Variants in LTBP1 observed in about 807,000 individuals in gnomAD.
The protein encoded by LTBP1 is latent transforming growth factor beta binding protein 1, also known as latent-transforming growth factor beta-binding protein 1.
In LTBP1, 129 loss-of-function variants were observed where a neutral mutation model predicts 207.6. That is an observed-to-expected ratio of 0.62 (90% CI 0.54 to 0.72). LTBP1 has a LOEUF of 0.72. Ranked by LOEUF, LTBP1 falls within the 30% of genes least tolerant of loss-of-function variation. The pLI, the probability that LTBP1 is intolerant of heterozygous loss-of-function variation, is 0.00. For missense variants in LTBP1, 2,281 were observed against 2,217.2 expected (o/e 1.03, Z -0.58); for synonymous variants, 963 against 833.7 (o/e 1.16, Z -2.67).
At chr2:33,305,694 TGTAGC>T (rs1312523056) in intron 22 of LTBP1, among the ~76,000 whole-genome samples, 1 of 152,056 alleles carries the variant, frequency 6.6e-6, no homozygotes, top group Non-Finnish European at 1.5e-5. Context: ...TGGGAATGAG[TGTAGC>T]TAGAAGAGAG....
intron 5 of LTBP1, among the ~76,000 whole-genome samples, chr2:33,161,442 T>C (rs2084462027): frequency 6.6e-6 from 1 of 152,104 alleles, no homozygotes; most frequent in African/African-American, 2.4e-5. Flanking sequence ...AATTTTTTTG[T>C]ATTTTCAGTA....
intron 5 of LTBP1, among the ~76,000 whole-genome samples, chr2:33,185,109 G>A (rs2087056715): frequency 6.6e-6 from 1 of 152,218 alleles, no homozygotes; most frequent in Non-Finnish European, 1.5e-5. Flanking sequence ...ACTCAGTGTG[G>A]ATAAAGCTCT....
intron 31 of LTBP1, among the ~76,000 whole-genome samples, chr2:33,380,142 G>A (rs1356419778): frequency 6.6e-6 from 1 of 152,132 alleles, no homozygotes; most frequent in East Asian, 1.9e-4. Flanking sequence ...TAAATTACAT[G>A]TTTGTCATCA....
At chr2:33,131,320 C>A (rs552698203) in intron 4 of LTBP1, among the ~76,000 whole-genome samples, 52 of 152,310 alleles carry the variant, frequency 3.4e-4, no homozygotes, top group Non-Finnish European at 5.1e-4. Flanking sequence ...CTACTAAATT[C>A]TTGAAAGGTG....
chr2:33,325,429 C>G (rs1335356068), intron 24 of LTBP1, among the ~76,000 whole-genome samples: 2 of 152,162 alleles, frequency 1.3e-5, no homozygotes, highest in African/African-American at 4.8e-5. Flanking sequence ...GTCTGTAGGG[C>G]TTTCTCCCAG....
chr2:33,127,955 A>T (rs548113939), intron 4 of LTBP1, among the ~76,000 whole-genome samples: 5 of 152,202 alleles, frequency 3.3e-5, no homozygotes, highest in Non-Finnish European at 7.3e-5. Flanking sequence ...GGTTGGACCT[A>T]GGTAGGAAAG....
At chr2:33,056,341 T>A in intron 3 of LTBP1, 1 of 1,230,958 alleles carries the variant, frequency 8.1e-7, no homozygotes, top group Non-Finnish European at 1.1e-6. Flanking sequence ...ATTTATTTGC[T>A]TTTGGCTTTG....
intron 3 of LTBP1, among the ~76,000 whole-genome samples, chr2:33,044,950 A>G (rs1382678507): frequency 2.6e-5 from 4 of 151,266 alleles, no homozygotes; most frequent in East Asian, 3.9e-4. Context: ...CCACTTTTTG[A>G]TGGGGTTGTT....
chr2:33,301,726 A>G (rs1230710435), intron 22 of LTBP1, 82 bp downstream of exon 22: 2 of 1,262,516 alleles, frequency 1.6e-6, no homozygotes, highest in East Asian at 2.6e-5. Flanking sequence ...TTGATCTTTG[A>G]ACCTCATCTC....
At chr2:33,065,380 T>C (rs1445012907) in intron 3 of LTBP1, among the ~76,000 whole-genome samples, 1 of 152,036 alleles carries the variant, frequency 6.6e-6, no homozygotes, top group Non-Finnish European at 1.5e-5. Context: ...ACAATGAGAC[T>C]CCATCTCTAC....
intron 3 of LTBP1, among the ~76,000 whole-genome samples, chr2:33,092,215 A>ACT (rs34702998): frequency 1.1e-4 from 16 of 152,126 alleles, no homozygotes; most frequent in Admixed American, 1.0e-3. Flanking sequence ...ACACACACAC[A>ACT]GTTTGTCACA....
At chr2:33,213,314 G>C (rs1222231156) in intron 7 of LTBP1, among the ~76,000 whole-genome samples, 1 of 152,222 alleles carries the variant, frequency 6.6e-6, no homozygotes, top group Non-Finnish European at 1.5e-5. Flanking sequence ...ATCCTGAAAT[G>C]ATAAGGCTTT....
At chr2:33,297,407 A>C (rs1316600744) in intron 20 of LTBP1, among the ~76,000 whole-genome samples, 1 of 32,808 alleles carries the variant, frequency 3.0e-5, no homozygotes, top group East Asian at 3.5e-4. Context: ...TGCTTTATTT[A>C]TTTATTTATT....
chr2:33,003,630 G>T lies in LTBP1; in HGVS notation c.566-17279G>T, dbSNP rs151014225. ...TCAGAAGAAAAGAAGTCACAGGCAG[G>T]GTGGTAGAGCTTCCTTCCAACCTTG... On this transcript the variant is annotated intron_variant, in intron 2 of 33. Transcript: ENST00000404816. 3.6e-3 allele frequency among the ~76,000 whole-genome samples: 551 copies of T among 152,310 alleles called. 4 individuals are homozygous for T. Among genetic ancestry groups the T allele is most frequent in the African/African-American group, 0.013 (529 of 41,556 alleles).
chr2:33,263,239 C>T, intron 14 of LTBP1, 55 bp from the exon 15 acceptor site: 2 of 1,002,996 alleles, frequency 2.0e-6, no homozygotes, highest in South Asian at 1.3e-5. Context: ...GAAATGGGAT[C>T]TCAATGCACA....
intron 5 of LTBP1, among the ~76,000 whole-genome samples, chr2:33,142,025 G>C (rs1197607510): frequency 6.6e-6 from 1 of 152,080 alleles, no homozygotes; most frequent in Non-Finnish European, 1.5e-5. Flanking sequence ...ATTTAAAAAA[G>C]GTTATCAAGA....
intron 7 of LTBP1, among the ~76,000 whole-genome samples, chr2:33,210,654 C>A (rs1558820581): frequency 6.6e-6 from 1 of 152,238 alleles, no homozygotes; most frequent in Middle Eastern, 3.4e-3. Context: ...ATTTGGAAAA[C>A]CCTCCATGGT....
chr2:32,981,965 G>A (rs544954081), intron 2 of LTBP1, among the ~76,000 whole-genome samples: 62 of 152,208 alleles, frequency 4.1e-4, no homozygotes, highest in East Asian at 2.5e-3. Flanking sequence ...ACAGTAAATC[G>A]GTACCAGTAG....
chr2:33,091,868 C>G (rs1335710265), intron 3 of LTBP1, among the ~76,000 whole-genome samples: 1 of 152,172 alleles, frequency 6.6e-6, no homozygotes, highest in Non-Finnish European at 1.5e-5. Context: ...TGGAGTTCCA[C>G]TTTCAGAGTG....
Sources: allele counts gnomAD v4.1 joint callset (sites outside exome capture counted in the v4.1 genomes callset), GRCh38; gene constraint gnomAD v4.1.1; transcripts MANE v1.5; gene names NCBI Gene and HGNC (gene_info 2026-07-23, HGNC 2026-07-21).